The following USP9X variants were observed in gnomAD, a reference collection of about 807,000 sequenced individuals.
USP9X encodes the protein ubiquitin carboxyl-terminal hydrolase 9X.
In USP9X, 7 loss-of-function variants were observed where a neutral mutation model predicts 190.3. The observed-to-expected ratio is 0.04, with a 90% CI of 0.02 to 0.07. USP9X has a LOEUF of 0.07. USP9X is among the 10% of genes least tolerant of loss of function. The pLI is 1.00. For synonymous variants in USP9X, 645 were observed against 659.5 expected (o/e 0.98, Z 0.34); for missense variants, 1,010 against 1,916.9 (o/e 0.53, Z 8.83).
At chrX:41,189,245 A>C in intron 25 of USP9X, 64 bp from the exon 26 acceptor site, 1 of 1,119,295 alleles carries the variant, frequency 8.9e-7, no homozygotes, top group Non-Finnish European at 1.2e-6. Context: ...CACTAACTAG[A>C]AGTTGTGTGA....
At chrX:41,222,836 C>T (rs1047408544) in intron 38 of USP9X, among the ~76,000 whole-genome samples, 4 of 111,277 alleles carry the variant, frequency 3.6e-5, no homozygotes, top group Non-Finnish European at 5.7e-5. Flanking sequence ...TGCTTGAACC[C>T]GGGAGGCAGA....
At chrX:41,187,126 C>A (rs1485616882) in intron 24 of USP9X, among the ~76,000 whole-genome samples, 3 of 112,322 alleles carry the variant, frequency 2.7e-5, no homozygotes, top group Non-Finnish European at 5.6e-5. Context: ...AGCCACCATG[C>A]CCGGCCCAGA....
intron 30 of USP9X, among the ~76,000 whole-genome samples, chrX:41,200,664 G>C (rs1019956663): frequency 8.9e-6 from 1 of 112,268 alleles, no homozygotes; most frequent in African/African-American, 3.2e-5. Context: ...ATAATGTGTT[G>C]ATATATTTAG....
intron 1 of USP9X, among the ~76,000 whole-genome samples, chrX:41,119,336 A>T (rs1260525166): frequency 9.0e-6 from 1 of 110,985 alleles, no homozygotes; most frequent in East Asian, 2.8e-4. Context: ...TCAAAACAAC[A>T]ACAACAAAAA....
chrX:41,115,236 G>GA (rs2062139307), intron 1 of USP9X, among the ~76,000 whole-genome samples: 1 of 63,596 alleles, frequency 1.6e-5, no homozygotes, highest in South Asian at 8.1e-4. Context: ...AAAAAAAAAA[G>GA]AAAAAGAAAA....
intron 32 of USP9X, among the ~76,000 whole-genome samples, chrX:41,207,912 TCTGA>T (rs781712179): frequency 7.2e-5 from 8 of 111,043 alleles, no homozygotes; most frequent in Middle Eastern, 4.7e-3. Flanking sequence ...CTCCCTCCTC[TCTGA>T]CTATTTCAGT....
intron 28 of USP9X, 54 bp from the exon 29 acceptor site, chrX:41,197,310 T>G (rs2062992078): frequency 4.3e-6 from 4 of 935,494 alleles, no homozygotes; most frequent in Non-Finnish European, 5.9e-6. Context: ...CTCCCTTTCA[T>G]AAGCTAGACA....
chrX:41,133,084 T>A (rs1230326400), intron 4 of USP9X, among the ~76,000 whole-genome samples: 1 of 112,031 alleles, frequency 8.9e-6, no homozygotes, highest in African/African-American at 3.2e-5. Flanking sequence ...CTATCACAAT[T>A]GAAACTGATT....
At chrX:41,211,568 C>T (rs924681285) in intron 33 of USP9X, among the ~76,000 whole-genome samples, 4 of 113,625 alleles carry the variant, frequency 3.5e-5, no homozygotes, top group African/African-American at 9.6e-5. Context: ...ATTTTACCCC[C>T]GTCCGGGAGG....
intron 14 of USP9X, among the ~76,000 whole-genome samples, chrX:41,153,457 G>GTTTTTATAATAGTT: frequency 8.9e-6 from 1 of 112,111 alleles, no homozygotes; most frequent in African/African-American, 3.2e-5. Flanking sequence ...CTTTTATAAT[G>GTTTTTATAATAGTT]CCAAGCCTAT....
chrX:41,222,650 G>A (rs115291357), intron 38 of USP9X, among the ~76,000 whole-genome samples: 3 of 111,329 alleles, frequency 2.7e-5, no homozygotes, highest in African/African-American at 9.8e-5. Context: ...CTGGTCGGGC[G>A]TGGTGGCTCA....
At position 41,141,006 on chromosome X, in the gene USP9X, G is replaced by A; in HGVS notation, c.811G>A (p.Val271Met). The change falls in exon 8 of 45, where the codon GTG (valine) becomes ATG (methionine). Residue 271 changes from valine (V) to methionine (M), a missense_variant. Val to Met is a conservative substitution (Grantham distance 21, BLOSUM62 1). Coordinates refer to ENST00000378308, the MANE Select transcript of USP9X (RefSeq NM_001039591.3). ...CTATGAGTTTCTCACTCTTCATACA[G>A]TGAAAAAGTACTTTCTTCCAATAAT... Reference protein sequence around the residue: ...QCYEFLTLHTVKKYFLPIIEM... With the variant: ...QCYEFLTLHTMKKYFLPIIEM... 2 of 1,204,068 alleles carry A rather than the reference G, an allele frequency of 1.7e-6. No individual in the cohort carries two copies. The highest frequency in any genetic ancestry group is 2.2e-6 in the Non-Finnish European group (2 of 892,466).
chrX:41,198,431 C>T (rs376667243), intron 29 of USP9X, 97 bp from the exon 30 acceptor site: 6 of 432,861 alleles, frequency 1.4e-5, no homozygotes, highest in South Asian at 6.7e-5. Flanking sequence ...TCTTAAATTC[C>T]AATGAGTAAT....
intron 3 of USP9X, among the ~76,000 whole-genome samples, chrX:41,131,195 C>T (rs928179052): frequency 5.4e-5 from 6 of 111,336 alleles, no homozygotes; most frequent in African/African-American, 2.0e-4. Flanking sequence ...GTTTTATATC[C>T]TAAGTTATCA....
intron 18 of USP9X, among the ~76,000 whole-genome samples, chrX:41,169,399 TAAC>T (rs902809040): frequency 6.6e-4 from 74 of 112,357 alleles, no homozygotes; most frequent in Non-Finnish European, 2.4e-4. Flanking sequence ...GATACAAGAC[TAAC>T]AACAATAGAA....
chrX:41,161,804 G>C (rs767311825), intron 14 of USP9X, among the ~76,000 whole-genome samples: 2 of 104,724 alleles, frequency 1.9e-5, no homozygotes, highest in Non-Finnish European at 3.9e-5. Flanking sequence ...GGCTGGTCTC[G>C]AACTCCTGGC....
At chrX:41,123,976 G>A (rs1484272212) in intron 2 of USP9X, among the ~76,000 whole-genome samples, 1 of 110,897 alleles carries the variant, frequency 9.0e-6, no homozygotes, top group Non-Finnish European at 1.9e-5. Flanking sequence ...CTGGGAGGCC[G>A]AGGTTGCAGT....
At chrX:41,175,005 C>T (rs758817146) in intron 21 of USP9X, among the ~76,000 whole-genome samples, 2 of 111,202 alleles carry the variant, frequency 1.8e-5, no homozygotes, top group South Asian at 7.6e-4. Flanking sequence ...GTATTTTGTG[C>T]AGAGGTACTT....
intron 32 of USP9X, among the ~76,000 whole-genome samples, chrX:41,208,715 T>G (rs1569195539): frequency 9.0e-6 from 1 of 110,871 alleles, no homozygotes; most frequent in Non-Finnish European, 1.9e-5. Context: ...TTGTTTGTTT[T>G]TTGTTTTTTT....
Sources: gnomAD v4.1 joint callset for allele counts (sites outside exome capture counted in the v4.1 genomes callset) on GRCh38, gnomAD v4.1.1 for gene constraint, MANE v1.5 for transcripts, NCBI Gene and HGNC (gene_info 2026-07-23, HGNC 2026-07-21) for gene names.